Variants in PCDH15 observed in about 807,000 individuals in gnomAD.
PCDH15 encodes the protein protocadherin related 15.
In PCDH15, 129 loss-of-function variants were observed where a neutral mutation model predicts 178.5. That is an observed-to-expected ratio of 0.72 (90% CI 0.63 to 0.84). The LOEUF (loss-of-function observed/expected upper bound fraction) is 0.84, where lower values mean the gene tolerates loss of function less well. Ranked by LOEUF, PCDH15 falls within the 40% of genes least tolerant of loss-of-function variation. PCDH15 has a pLI of 0.00. For synonymous variants in PCDH15, 800 were observed against 732.0 expected (o/e 1.09, Z -1.50); for missense variants, 2,230 against 2,099.9 (o/e 1.06, Z -1.21).
rs1841147631 is a variant in PCDH15 at position 53,806,252 on chromosome 10, T to C, written c.*327A>G. On this transcript the variant is annotated 3_prime_UTR_variant, in exon 38 of 38. Transcript: ENST00000644397. ...GGAGCTAGAAATAAAGCATAATCTA[T>C]GTTAATCAATAAAATATAAATGATT... is the stretch of plus-strand genomic sequence containing the variant. The C allele has an allele frequency of 2.7e-5, 6 of 222,956 alleles. No homozygotes were observed. In the South Asian group the frequency reaches 4.7e-4, roughly 18 times the overall value. 13.8% of individuals were successfully genotyped at this position (222,956 alleles called of 1,614,324 possible). A position where few individuals can be genotyped will look rare whatever the true frequency, so the allele number is the denominator to read the frequency against.
chr10:54,302,878 A>G (rs1285457662), intron 8 of PCDH15, among the ~76,000 whole-genome samples: 1 of 152,158 alleles, frequency 6.6e-6, no homozygotes, highest in Non-Finnish European at 1.5e-5. Context: ...TCTTATCATG[A>G]TGTGACTATT....
At chr10:54,215,818 G>C (rs1439490929) in intron 9 of PCDH15, among the ~76,000 whole-genome samples, 1 of 151,634 alleles carries the variant, frequency 6.6e-6, no homozygotes, top group Non-Finnish European at 1.5e-5. Context: ...GAGACGGGCG[G>C]ATCACGAGGT....
intron 2 of PCDH15, among the ~76,000 whole-genome samples, chr10:55,037,600 G>A (rs1591850538): frequency 6.6e-6 from 1 of 152,224 alleles, no homozygotes; most frequent in East Asian, 1.9e-4. Context: ...TTTACATATA[G>A]CTATTTGACA....
chr10:54,306,922 T>A (rs2060506215), intron 8 of PCDH15, among the ~76,000 whole-genome samples: 1 of 149,112 alleles, frequency 6.7e-6, no homozygotes, highest in Non-Finnish European at 1.5e-5. Context: ...GTTACCAGTA[T>A]ATTCTGTGAG....
intron 1 of PCDH15, among the ~76,000 whole-genome samples, chr10:55,296,799 A>G (rs1010629337): frequency 6.6e-6 from 1 of 152,160 alleles, no homozygotes; most frequent in African/African-American, 2.4e-5. Flanking sequence ...ACACATTGTC[A>G]CATCACTACC....
At chr10:54,269,792 CTGTTT>C (rs893744765) in intron 8 of PCDH15, among the ~76,000 whole-genome samples, 50 of 152,056 alleles carry the variant, frequency 3.3e-4, no homozygotes, top group African/African-American at 1.0e-3. Context: ...CTGGATTTCT[CTGTTT>C]TAAGTGTAAC....
chr10:54,879,882 G>T (rs1292797000), intron 3 of PCDH15, among the ~76,000 whole-genome samples: 3 of 151,894 alleles, frequency 2.0e-5, no homozygotes, highest in Non-Finnish European at 2.9e-5. Context: ...GCAGATAACT[G>T]TGATCATCAT....
At chr10:53,903,419 G>GA (rs753144011) in intron 25 of PCDH15, 49 bp from the exon 26 acceptor site, 115 of 1,600,874 alleles carry the variant, frequency 7.2e-5, no homozygotes, top group Non-Finnish European at 9.6e-5. Context: ...ATTCATGGGG[G>GA]AAAAAATGCA....
intron 2 of PCDH15, among the ~76,000 whole-genome samples, chr10:55,626,434 G>C (rs1564490581): frequency 6.6e-6 from 1 of 152,148 alleles, no homozygotes; most frequent in Non-Finnish European, 1.5e-5. Context: ...ATGTACAGTA[G>C]TGTCTTTATG....
chr10:55,294,172 G>A (rs1018236754), intron 1 of PCDH15, among the ~76,000 whole-genome samples: 1 of 152,042 alleles, frequency 6.6e-6, no homozygotes, highest in Non-Finnish European at 1.5e-5. Flanking sequence ...AAAACCACCA[G>A]ATATCATGAT....
intron 8 of PCDH15, among the ~76,000 whole-genome samples, chr10:54,316,170 C>T (rs1392691553): frequency 2.0e-5 from 3 of 151,876 alleles, no homozygotes; most frequent in Admixed American, 2.0e-4. Flanking sequence ...TTTATTCATG[C>T]AAGTTAACTG....
chr10:55,475,373 A>T (rs1401463898), intron 2 of PCDH15, among the ~76,000 whole-genome samples: 3 of 152,180 alleles, frequency 2.0e-5, no homozygotes, highest in Non-Finnish European at 4.4e-5. Flanking sequence ...ATTATTTATC[A>T]AAACTTGCAA....
At chr10:55,556,285 T>C (rs980137021) in intron 2 of PCDH15, among the ~76,000 whole-genome samples, 1 of 152,124 alleles carries the variant, frequency 6.6e-6, no homozygotes, top group African/African-American at 2.4e-5. Context: ...ACACATGTCA[T>C]CTGGTTTTCA....
intron 25 of PCDH15, among the ~76,000 whole-genome samples, chr10:53,914,837 G>T (rs1323177894): frequency 6.6e-6 from 1 of 152,126 alleles, no homozygotes; most frequent in African/African-American, 2.4e-5. Context: ...TCTCTAAAAA[G>T]TTTAACTTTA....
intron 3 of PCDH15, among the ~76,000 whole-genome samples, chr10:54,470,796 T>A (rs951003992): frequency 6.6e-6 from 1 of 152,172 alleles, no homozygotes; most frequent in African/African-American, 2.4e-5. Flanking sequence ...TTCTGTCACA[T>A]CTCTGTTGAA....
At chr10:54,275,003 T>C (rs1406885256) in intron 8 of PCDH15, among the ~76,000 whole-genome samples, 3 of 151,714 alleles carry the variant, frequency 2.0e-5, no homozygotes, top group Non-Finnish European at 4.4e-5. Flanking sequence ...ATCCAAGCCA[T>C]AAAAGAAAAT....
intron 2 of PCDH15, among the ~76,000 whole-genome samples, chr10:55,131,151 G>GT (rs1838031442): frequency 6.6e-6 from 1 of 152,132 alleles, no homozygotes; most frequent in African/African-American, 2.4e-5. Flanking sequence ...GTGTCATACA[G>GT]AATAGTTTCA....
intron 3 of PCDH15, among the ~76,000 whole-genome samples, chr10:54,853,127 G>C (rs1953657053): frequency 6.7e-6 from 1 of 150,208 alleles, no homozygotes. Flanking sequence ...GGGCATGGTG[G>C]CGCATGCCTG....
Position 55,561,757 on chromosome 10 carries a change from T to C in PCDH15, c.-156+65868A>G, listed in dbSNP as rs374040400. 2.4e-4 allele frequency among the ~76,000 whole-genome samples: 37 copies of C among 151,996 alleles called. 1 individual carries two copies. The highest frequency in any genetic ancestry group is 8.2e-4 in the African/African-American group (34 of 41,542). On this transcript the variant is annotated intron_variant, in intron 2 of 5. Coordinates refer to the PCDH15 transcript ENST00000613346. ...CCTGTTTTTCCAAGAGGCCAATAAC[T>C]GACACTTTTCAAATTTCTTGAATTT...
Sources: allele counts gnomAD v4.1 joint callset (sites outside exome capture counted in the v4.1 genomes callset), GRCh38; gene constraint gnomAD v4.1.1; transcripts MANE v1.5; gene names NCBI Gene and HGNC (gene_info 2026-07-23, HGNC 2026-07-21).